The following MDN1 variants were observed in gnomAD, a reference collection of about 807,000 sequenced individuals.
MDN1 encodes the protein midasin.
In MDN1, 266 loss-of-function variants were observed where a neutral mutation model predicts 669.2. The ratio of observed to expected loss-of-function variants is 0.40; its 90% CI spans 0.36 to 0.44. The LOEUF (loss-of-function observed/expected upper bound fraction) is 0.44, where lower values mean the gene tolerates loss of function less well. MDN1 is among the 20% of genes least tolerant of loss of function. The pLI is 1.00. For missense variants in MDN1, 5,940 were observed against 6,754.0 expected (o/e 0.88, Z 4.22); for synonymous variants, 2,385 against 2,457.1 (o/e 0.97, Z 0.87).
rs765928885 is a variant in MDN1, at chr6:89,664,556, C to T, written c.14167G>A (p.Glu4723Lys). 1.5e-5 allele frequency: 25 copies of T among 1,613,856 alleles called. No individual in the cohort carries two copies. Among genetic ancestry groups the T allele is most frequent in the Middle Eastern group, 1.6e-4 (1 of 6,062 alleles). ...DPDSKSDIKG[E>K]DNAIEMSEDF... ...TCCGACATCTCAATGGCATTATCCT[C>T]GCCCTTAATATCAGATTTTGAATCA... The change falls in exon 85 of 102, where the codon GAG (glutamate) becomes AAG (lysine). Residue 4723 changes from glutamate (E) to lysine (K), a missense_variant. Transcript: ENST00000369393.
chr6:89,670,640 G>T (rs1234385980), intron 83 of MDN1, among the ~76,000 whole-genome samples: 1 of 152,288 alleles, frequency 6.6e-6, no homozygotes, highest in East Asian at 1.9e-4. Flanking sequence ...TTAACAGACG[G>T]CAGCAGCTTT....
chr6:89,689,820 T>G (rs748195430), intron 65 of MDN1, 50 bp downstream of exon 65: 7 of 1,571,684 alleles, frequency 4.5e-6, no homozygotes, highest in Non-Finnish European at 3.5e-6. Context: ...CAGCATCTAT[T>G]TGCATTTGCT....
At chr6:89,758,582 T>G (rs894591047) in intron 18 of MDN1, among the ~76,000 whole-genome samples, 1 of 152,222 alleles carries the variant, frequency 6.6e-6, no homozygotes, top group Non-Finnish European at 1.5e-5. Flanking sequence ...TGTTATTTTA[T>G]AAGTGTGTCT....
chr6:89,743,161 T>C lies in MDN1; in HGVS notation c.4437A>G (p.Glu1479=), dbSNP rs769514189. The part of the protein sequence containing the change: ...EISLADDSVL[E]RLNSVLEVEK... Reference sequence around the variant, plus strand: ...TCTCAGGCACGTACCTGTTGAGTCTTTCCAAGACAGAGTCATCGGCCAATG... The same window carrying C: ...TCTCAGGCACGTACCTGTTGAGTCTCTCCAAGACAGAGTCATCGGCCAATG... The change falls in exon 31 of 102, where the codon GAA becomes GAG. Residue 1479 remains glutamate (E), a synonymous_variant. Coordinates refer to ENST00000369393, the MANE Select transcript of MDN1 (RefSeq NM_014611.3). The C allele has an allele frequency of 2.5e-6, 4 of 1,614,056 alleles. No individual in the cohort carries two copies. The East Asian group carries it at 8.9e-5, about 36-fold the overall frequency.
Position 89,753,546 on chromosome 6 carries a change from A to G in MDN1, c.3041T>C (p.Ile1014Thr). 2 of 1,613,402 alleles carry G rather than the reference A, an allele frequency of 1.2e-6. No individual in the cohort carries two copies. Among genetic ancestry groups the G allele is most frequent in the South Asian group, 1.1e-5 (1 of 91,054 alleles). The change falls in exon 22 of 102, where the codon ATT (isoleucine) becomes ACT (threonine). Residue 1014 changes from isoleucine (I) to threonine (T), a missense_variant. This residue lies in a region of MDN1 where 1,203 missense variants were observed against 1,268.9 expected (regional missense o/e 0.95). Transcript: ENST00000369393. ...PIVQKLICQH[I>T]VPGNVKSLLK... ...CAGACTCTTGACATTGCCAGGGACA[A>G]TGTGTTGACAGATGAGCTTCTGAAC... is the stretch of plus-strand genomic sequence containing the variant.
intron 56 of MDN1, 143 bp from the exon 57 acceptor site, chr6:89,700,437 C>T (rs574546377): frequency 7.5e-5 from 58 of 777,508 alleles, no homozygotes; most frequent in Non-Finnish European, 1.1e-4. Context: ...AGATTCTCAT[C>T]TGTGAAATGA....
At chr6:89,779,721 T>C (rs538006368) in intron 11 of MDN1, among the ~76,000 whole-genome samples, 1 of 152,308 alleles carries the variant, frequency 6.6e-6, no homozygotes, top group South Asian at 2.1e-4. Context: ...AAAACATGTA[T>C]TACATTCAAT....
In MDN1 at chr6:89,674,279, A is replaced by G. The variant is rs748603732; in HGVS notation, c.13072T>C (p.Tyr4358His). The stretch of plus-strand genomic sequence containing the variant: ...TGACTTCCAGGTATTGGAGATGGGT[A>G]GCTCAGATTGGAAGGAATTAGGTCC... The part of the protein sequence containing the change: ...VLDLIPSNLS[Y>H]PSPIPGSQLP... Residue 4358 changes from tyrosine to histidine, a missense_variant, in exon 79 of 102, where the codon TAC becomes CAC. Tyr to His is a moderately conservative substitution (Grantham distance 83, BLOSUM62 2). Coordinates refer to ENST00000369393, the MANE Select transcript of MDN1 (RefSeq NM_014611.3). The G allele has an allele frequency of 1.2e-6, 2 of 1,614,100 alleles. No homozygotes were observed. The highest frequency in any genetic ancestry group is 1.3e-5 in the African/African-American group (1 of 74,934).
intron 63 of MDN1, among the ~76,000 whole-genome samples, 199 bp downstream of exon 63, chr6:89,692,244 T>C (rs913109757): frequency 1.3e-5 from 2 of 152,154 alleles, no homozygotes; most frequent in African/African-American, 4.8e-5. Context: ...CATTTTTTTT[T>C]AATCTCTTAA....
intron 44 of MDN1, among the ~76,000 whole-genome samples, chr6:89,716,429 T>G (rs895597023): frequency 6.6e-6 from 1 of 152,252 alleles, no homozygotes. Flanking sequence ...TAGCCTTTGC[T>G]TTGGCTGAAA....
Position 89,761,648 on chromosome 6 carries a change from T to A in MDN1, c.2457A>T (p.Val819=). 1 of 1,603,832 alleles carries A rather than the reference T, an allele frequency of 6.2e-7. No individual in the cohort carries two copies. Among genetic ancestry groups the A allele is most frequent in the Non-Finnish European group, 8.5e-7 (1 of 1,173,778 alleles). ...TAAATAACAAAAACAGAAATACCTCTACAAATGCGAACAATAAGGTATTTT... is the reference window on the plus strand; with the variant it reads ...TAAATAACAAAAACAGAAATACCTCAACAAATGCGAACAATAAGGTATTTT... ...MTENTLLFAF[V]EGTLAQAVKK... The change falls in exon 17 of 102, where the codon GTA becomes GTT. Residue 819 remains valine, a synonymous_variant. Transcript: ENST00000369393.
At chr6:89,764,045 G>A (rs1387597648) in intron 15 of MDN1, among the ~76,000 whole-genome samples, 1 of 152,086 alleles carries the variant, frequency 6.6e-6, no homozygotes, top group Admixed American at 6.5e-5. Context: ...CCAAGATCTT[G>A]TCTCCATAAA....
At chr6:89,754,044 C>CATT in intron 21 of MDN1, 39 bp downstream of exon 21, 1 of 1,593,024 alleles carries the variant, frequency 6.3e-7, no homozygotes, top group Non-Finnish European at 8.6e-7. Flanking sequence ...TGAACCCATC[C>CATT]ATTAAGCTCA....
At chr6:89,770,798 T>C (rs892304432) in intron 15 of MDN1, among the ~76,000 whole-genome samples, 3 of 152,144 alleles carry the variant, frequency 2.0e-5, no homozygotes, top group Non-Finnish European at 4.4e-5. Flanking sequence ...CCGCCACGCC[T>C]GGCCCAGAAC....
In MDN1 at chr6:89,781,608, A is replaced by T. The variant is rs753894682; in HGVS notation, c.1450-16T>A. The T allele has an allele frequency of 6.5e-7, 1 of 1,542,450 alleles. No homozygotes were observed. The highest frequency in any genetic ancestry group is 2.2e-5 in the Admixed American group (1 of 46,182). ...TCTGAAGAACCTGACAGAGGGGGAA[A>T]AAAAAGAAAATTTAACAGCCAGCAT... On this transcript the variant is annotated splice_polypyrimidine_tract_variant and intron_variant, in intron 9 of 101. Transcript: ENST00000369393.
At chr6:89,731,709 T>G (rs965109728) in intron 34 of MDN1, among the ~76,000 whole-genome samples, 12 of 152,056 alleles carry the variant, frequency 7.9e-5, no homozygotes, top group African/African-American at 2.7e-4. Context: ...CAAACCACCA[T>G]GGCACATGTA....
At chr6:89,772,531 T>A (rs11961825) in intron 14 of MDN1, 42 bp downstream of exon 14, 206,572 of 1,591,514 alleles carry the variant, frequency 0.13, 14,439 homozygotes, top group South Asian at 0.17. Flanking sequence ...AAGTAGTCAG[T>A]GTGAAATATC....
chr6:89,714,511 C>A, intron 46 of MDN1, 32 bp downstream of exon 46: 2 of 1,524,556 alleles, frequency 1.3e-6, no homozygotes, highest in South Asian at 1.3e-5. Context: ...AAGACTAAAA[C>A]TCTGCAAAGG....
intron 88 of MDN1, among the ~76,000 whole-genome samples, chr6:89,660,977 C>T (rs1238526614): frequency 6.6e-6 from 1 of 152,118 alleles, no homozygotes; most frequent in Non-Finnish European, 1.5e-5. Context: ...ATATGCCATG[C>T]GATTTCTCTT....
Sources: allele counts gnomAD v4.1 joint callset (sites outside exome capture counted in the v4.1 genomes callset), GRCh38; gene constraint gnomAD v4.1.1; regional missense constraint gnomAD v4.1.1; transcripts MANE v1.5; gene names NCBI Gene and HGNC (gene_info 2026-07-23, HGNC 2026-07-21).